The following GRID1 variants were observed in gnomAD, a reference collection of about 807,000 sequenced individuals.
GRID1 encodes glutamate ionotropic receptor delta type subunit 1.
In GRID1, 28 loss-of-function variants were observed where a neutral mutation model predicts 98.0. The observed-to-expected ratio is 0.29, with a 90% CI of 0.21 to 0.39. The LOEUF (loss-of-function observed/expected upper bound fraction) is 0.39. Among genes scored for constraint, GRID1 ranks in the 10% least tolerant of loss-of-function variants. The pLI, the probability that GRID1 is intolerant of heterozygous loss-of-function variation, is 1.00. For synonymous variants in GRID1, 553 were observed against 538.5 expected, an observed-to-expected ratio of 1.03 and a Z score of -0.37; for missense variants, 1,111 against 1,340.5, an observed-to-expected ratio of 0.83 and a Z score of 2.67.
intron 6 of GRID1, among the ~76,000 whole-genome samples, chr10:85,867,755 C>A (rs553884873): frequency 3.0e-4 from 45 of 152,348 alleles, no homozygotes; most frequent in Admixed American, 2.2e-3. Context: ...CTTAGAAAGA[C>A]CCCAGACACT....
At chr10:85,764,782 A>G (rs926581751) in intron 8 of GRID1, among the ~76,000 whole-genome samples, 11 of 152,356 alleles carry the variant, frequency 7.2e-5, no homozygotes, top group Admixed American at 4.6e-4. Context: ...TGTGTTTAAC[A>G]TTGCATGCAT....
chr10:86,024,757 G>A (rs1843094691), intron 4 of GRID1, among the ~76,000 whole-genome samples: 1 of 152,144 alleles, frequency 6.6e-6, no homozygotes, highest in South Asian at 2.1e-4. Flanking sequence ...CCTGCCCCTA[G>A]TGGTTTCCTG....
At chr10:86,122,418 C>T (rs923432942) in intron 4 of GRID1, among the ~76,000 whole-genome samples, 1 of 152,226 alleles carries the variant, frequency 6.6e-6, no homozygotes, top group Non-Finnish European at 1.5e-5. Flanking sequence ...CAGGGATGTG[C>T]TTGCTTTGCA....
At chr10:85,812,599 C>G (rs1220170820) in intron 8 of GRID1, among the ~76,000 whole-genome samples, 1 of 152,014 alleles carries the variant, frequency 6.6e-6, no homozygotes, top group African/African-American at 2.4e-5. Context: ...CCATTACAGC[C>G]CAGCCCTTCT....
intron 12 of GRID1, among the ~76,000 whole-genome samples, chr10:85,677,420 AATAT>A (rs986406385): frequency 2.4e-4 from 36 of 152,350 alleles, no homozygotes; most frequent in African/African-American, 8.7e-4. Flanking sequence ...TGGATGCATC[AATAT>A]GGGGAATTGA....
intron 4 of GRID1, among the ~76,000 whole-genome samples, chr10:85,934,805 G>T (rs1284855100): frequency 1.3e-5 from 2 of 152,158 alleles, no homozygotes. Context: ...GGCAGCTCCA[G>T]GAGGGAGGAG....
At chr10:86,083,798 G>A (rs558484397) in intron 4 of GRID1, among the ~76,000 whole-genome samples, 2 of 152,338 alleles carry the variant, frequency 1.3e-5, no homozygotes, top group African/African-American at 4.8e-5. Context: ...CCTGCAGGCA[G>A]CTTTCCACCT....
At chr10:85,740,507 C>A (rs1841930211) in intron 8 of GRID1, among the ~76,000 whole-genome samples, 1 of 152,100 alleles carries the variant, frequency 6.6e-6, no homozygotes, top group Non-Finnish European at 1.5e-5. Context: ...AGGTGTCTCC[C>A]ATTACACTCT....
chr10:86,241,300 C>A (rs556521313), intron 2 of GRID1, among the ~76,000 whole-genome samples: 20 of 152,372 alleles, frequency 1.3e-4, no homozygotes, highest in Admixed American at 7.2e-4. Context: ...CTCTTTGTAA[C>A]TCCCTCTCTG....
At chr10:85,837,758 C>T (rs1451507918) in intron 8 of GRID1, among the ~76,000 whole-genome samples, 1 of 152,150 alleles carries the variant, frequency 6.6e-6, no homozygotes, top group African/African-American at 2.4e-5. Context: ...GTCTTCTTTC[C>T]TCCAAATGAC....
chr10:85,896,491 C>A (rs1236483580), intron 5 of GRID1, among the ~76,000 whole-genome samples: 1 of 152,116 alleles, frequency 6.6e-6, no homozygotes, highest in Non-Finnish European at 1.5e-5. Flanking sequence ...AACTTCATCA[C>A]CTCTACTGGA....
At chr10:86,103,861 A>T (rs138722565) in intron 4 of GRID1, among the ~76,000 whole-genome samples, 1 of 152,178 alleles carries the variant, frequency 6.6e-6, no homozygotes, top group African/African-American at 2.4e-5. Flanking sequence ...AACCCTGCAC[A>T]TGGGGCAATC....
chr10:85,804,397 AC>A (rs1842603854), intron 8 of GRID1, among the ~76,000 whole-genome samples: 1 of 151,948 alleles, frequency 6.6e-6, no homozygotes, highest in Non-Finnish European at 1.5e-5. Flanking sequence ...AAAGCCTCAT[AC>A]AAAGAAAATA....
At position 85,600,548 on chromosome 10, in the gene GRID1, A is replaced by G. The variant is rs1335827754; in HGVS notation, c.*1725T>C. The G allele has an allele frequency of 1.3e-5, 2 of 152,258 alleles. No homozygotes were observed. Among genetic ancestry groups the G allele is most frequent in the Non-Finnish European group, 2.9e-5 (2 of 68,078 alleles). The allele number at this position is 152,258 out of a possible 1,614,324, so 9.4% of individuals were successfully genotyped here. On this transcript the variant is annotated 3_prime_UTR_variant, in exon 16 of 16. Coordinates refer to ENST00000327946, the MANE Select transcript of GRID1 (RefSeq NM_017551.3). ...TAGGACTTTGTATTTCTCCATGATC[A>G]CAGAACCAGGCTCTCAGCTCCCTGA...
chr10:86,313,499 C>T (rs185406553), intron 2 of GRID1, among the ~76,000 whole-genome samples: 1 of 152,328 alleles, frequency 6.6e-6, no homozygotes, highest in African/African-American at 2.4e-5. Flanking sequence ...CTGAGCTCCC[C>T]TCCTCAGATC....
intron 4 of GRID1, among the ~76,000 whole-genome samples, chr10:86,104,955 G>C (rs1844359160): frequency 6.6e-6 from 1 of 152,188 alleles, no homozygotes; most frequent in Non-Finnish European, 1.5e-5. Flanking sequence ...GGCTGTGACA[G>C]GCCTCGTGCC....
intron 2 of GRID1, among the ~76,000 whole-genome samples, chr10:86,229,763 A>G (rs72841782): frequency 0.28 from 43,338 of 152,100 alleles, 7,039 homozygotes; most frequent in Non-Finnish European, 0.38. Flanking sequence ...ACCTACCCAT[A>G]CCTGGCATCT....
chr10:86,066,131 C>T (rs1411797278), intron 4 of GRID1, among the ~76,000 whole-genome samples: 1 of 152,002 alleles, frequency 6.6e-6, no homozygotes, highest in Non-Finnish European at 1.5e-5. Context: ...GTGCAATTGC[C>T]CACACATAGC....
chr10:85,630,389 GACA>G (rs1233432987), intron 13 of GRID1, among the ~76,000 whole-genome samples: 1 of 152,184 alleles, frequency 6.6e-6, no homozygotes, highest in Non-Finnish European at 1.5e-5. Flanking sequence ...AAGAAACGCA[GACA>G]ACAACACGTT....
Sources: gnomAD v4.1 joint callset for allele counts (sites outside exome capture counted in the v4.1 genomes callset) on GRCh38, gnomAD v4.1.1 for gene constraint, MANE v1.5 for transcripts, NCBI Gene and HGNC (gene_info 2026-07-23, HGNC 2026-07-21) for gene names.